The following NBAS variants were observed in gnomAD, a reference collection of about 807,000 sequenced individuals.
The protein encoded by NBAS is NBAS subunit of NRZ tethering complex.
Under a neutral mutation model 302.5 loss-of-function variants are expected in NBAS, and 219 were observed. That is an observed-to-expected ratio of 0.72 (90% CI 0.65 to 0.81). The LOEUF is 0.81. NBAS is among the 30% of genes least tolerant of loss of function. The probability of loss-of-function intolerance (pLI) is 0.00; values close to 1 mark genes in which losing one functional copy is unlikely to be tolerated. For missense variants in NBAS, 2,932 were observed against 2,841.6 expected, an observed-to-expected ratio of 1.03 and a Z score of -0.72; for synonymous variants, 1,118 against 1,021.6, an observed-to-expected ratio of 1.09 and a Z score of -1.80.
chr2:15,478,393 T>C (rs1007531337), intron 12 of NBAS, 104 bp from the exon 13 acceptor site: 1 of 824,854 alleles, frequency 1.2e-6, no homozygotes, highest in Admixed American at 2.1e-5. Context: ...ACGCTTTCCC[T>C]TGATCTCTCA....
the NBAS span, among the ~76,000 whole-genome samples, chr2:14,904,901 T>C: frequency 1.1e-4 from 17 of 151,596 alleles, no homozygotes; most frequent in Admixed American, 3.9e-4. Context: ...TACAAAAAAT[T>C]AGCCAGGCGC....
the NBAS span, among the ~76,000 whole-genome samples, chr2:14,993,110 G>A: frequency 2.0e-5 from 3 of 152,096 alleles, no homozygotes; most frequent in East Asian, 1.9e-4. Flanking sequence ...TTTATTGAGC[G>A]TCTCCTATGA....
At chr2:15,286,898 T>C (rs544939154) in intron 42 of NBAS, among the ~76,000 whole-genome samples, 175 bp downstream of exon 42, 3 of 152,232 alleles carry the variant, frequency 2.0e-5, no homozygotes, top group Admixed American at 6.5e-5. Context: ...AATGAATACA[T>C]CAATGAATGG....
At chr2:15,394,377 G>A in intron 27 of NBAS, 28 bp from the exon 28 acceptor site, 2 of 1,609,440 alleles carry the variant, frequency 1.2e-6, no homozygotes, top group South Asian at 1.1e-5. Context: ...ATTATTTAAT[G>A]TCTTGCTACC....
At chr2:15,410,630 A>G (rs1676637654) in intron 25 of NBAS, among the ~76,000 whole-genome samples, 1 of 151,908 alleles carries the variant, frequency 6.6e-6, no homozygotes, top group African/African-American at 2.4e-5. Flanking sequence ...GGAAAAAGAT[A>G]AAATCTTTGC....
the NBAS span, among the ~76,000 whole-genome samples, chr2:15,077,973 C>T: frequency 2.6e-5 from 4 of 151,874 alleles, no homozygotes; most frequent in East Asian, 1.9e-4. Flanking sequence ...TGAGCCACCA[C>T]GCCTGGCCCA....
At chr2:15,550,917 C>CA (rs2148708554) in intron 6 of NBAS, among the ~76,000 whole-genome samples, 1 of 152,228 alleles carries the variant, frequency 6.6e-6, no homozygotes, top group South Asian at 2.1e-4. Flanking sequence ...TTCCAAAAGT[C>CA]ATTTTTCTTT....
the NBAS span, among the ~76,000 whole-genome samples, chr2:15,118,954 A>C: frequency 6.6e-6 from 1 of 152,350 alleles, no homozygotes; most frequent in African/African-American, 2.4e-5. Context: ...TAAACAACAA[A>C]AACAGAGAGG....
the NBAS span, among the ~76,000 whole-genome samples, chr2:15,109,712 C>A: frequency 9.2e-5 from 14 of 152,008 alleles, no homozygotes; most frequent in African/African-American, 3.4e-4. Context: ...TCTCTGAGGT[C>A]TCTTTATAAG....
the NBAS span, among the ~76,000 whole-genome samples, chr2:14,954,332 G>T: frequency 6.6e-6 from 1 of 152,140 alleles, no homozygotes; most frequent in African/African-American, 2.4e-5. Flanking sequence ...ATGCCTGCAC[G>T]GGGGAATCAA....
At chr2:14,796,919 C>CAAAAAAAAAAAA in the NBAS span, among the ~76,000 whole-genome samples, 16 of 86,482 alleles carry the variant, frequency 1.9e-4, no homozygotes, top group African/African-American at 2.8e-4. Flanking sequence ...CTAAAAAATA[C>CAAAAAAAAAAAA]AAAAAAAAAA....
chr2:15,473,731 G>C (rs1254087256), intron 15 of NBAS, among the ~76,000 whole-genome samples: 1 of 152,154 alleles, frequency 6.6e-6, no homozygotes, highest in African/African-American at 2.4e-5. Context: ...TAGAAAGCAA[G>C]TCTGAACTTC....
Position 15,394,111 on chromosome 2 carries a change from T to C in NBAS, c.3257+116A>G, listed in dbSNP as rs868223565. On this transcript the variant is annotated intron_variant, in intron 28 of 51. Transcript: ENST00000281513. The stretch of plus-strand genomic sequence containing the variant: ...AACTTATCAAATTATACTTACACTT[T>C]AAATATGTGCAGTTTATTATTAGTT... 1.5e-4 allele frequency: 171 copies of C among 1,132,052 alleles called. No individual in the cohort carries two copies. The Middle Eastern group carries it at 2.7e-3, about 18-fold the overall frequency. 70.1% of individuals were successfully genotyped at this position (1,132,052 alleles called of 1,614,324 possible). A position where few individuals can be genotyped will look rare whatever the true frequency, so the allele number is the denominator to read the frequency against.
chr2:15,329,369 A>G (rs907167428), intron 36 of NBAS, among the ~76,000 whole-genome samples: 2 of 152,148 alleles, frequency 1.3e-5, no homozygotes, highest in African/African-American at 4.8e-5. Context: ...TCTAAAAAAT[A>G]TATCCCATCC....
intron 41 of NBAS, among the ~76,000 whole-genome samples, chr2:15,288,238 A>G (rs1670146791): frequency 6.6e-6 from 1 of 152,258 alleles, no homozygotes; most frequent in African/African-American, 2.4e-5. Flanking sequence ...TAGGAACTAA[A>G]AACAAACAAG....
chr2:14,945,567 T>A, the NBAS span, among the ~76,000 whole-genome samples: 4 of 152,066 alleles, frequency 2.6e-5, no homozygotes, highest in Non-Finnish European at 5.9e-5. Flanking sequence ...GAATTTATCA[T>A]AAAAATTTAA....
At position 15,483,287 on chromosome 2, in the gene NBAS, T is replaced by G. The variant is rs149953014; in HGVS notation, c.1084-4998A>C. ...AGTCTGGTGAAATTGTGAAAACAGC[T>G]GTGGATTATATCAAGATTCATCGCA... On this transcript the variant is annotated intron_variant, in intron 12 of 51. Coordinates refer to ENST00000281513, the MANE Select transcript of NBAS (RefSeq NM_015909.4). 1,409 of 379,500 alleles carry G rather than the reference T, an allele frequency of 3.7e-3. 18 individuals are homozygous for G. Among genetic ancestry groups the G allele is most frequent in the African/African-American group, 0.028 (1,307 of 47,144 alleles). The allele number at this position is 379,500 out of a possible 1,614,324, so 23.5% of individuals were successfully genotyped here. A position where few individuals can be genotyped will look rare whatever the true frequency, so the allele number is the denominator to read the frequency against.
At chr2:15,163,356 A>G (rs1275706765), downstream of NBAS, among the ~76,000 whole-genome samples, 1 of 152,170 alleles carries the variant, frequency 6.6e-6, no homozygotes, top group African/African-American at 2.4e-5. Flanking sequence ...CTGAGGGAAA[A>G]GCAAGTGGGC....
intron 9 of NBAS, among the ~76,000 whole-genome samples, chr2:15,514,877 A>G (rs1485731750): frequency 2.0e-5 from 3 of 152,148 alleles, no homozygotes; most frequent in Non-Finnish European, 4.4e-5. Context: ...ACTGTCTACA[A>G]AAGGTTAAGA....
Sources: allele counts gnomAD v4.1 joint callset (sites outside exome capture counted in the v4.1 genomes callset), GRCh38; gene constraint gnomAD v4.1.1; transcripts MANE v1.5; gene names NCBI Gene and HGNC (gene_info 2026-07-23, HGNC 2026-07-21).